Variants in TCF12 observed in about 807,000 individuals in gnomAD.
TCF12 encodes the protein DNA-binding protein HTF4.
TCF12 carries 45 observed loss-of-function variants against 86.0 expected under a neutral mutation model. The observed-to-expected ratio is 0.52, with a 90% CI of 0.41 to 0.67. The LOEUF is 0.67. TCF12 is among the 30% of genes least tolerant of loss of function. The pLI is 0.00. For missense variants in TCF12, 881 were observed against 859.9 expected (o/e 1.02, Z -0.31); for synonymous variants, 330 against 299.6 (o/e 1.10, Z -1.05).
chr15:57,037,246 C>T (rs1469389671), intron 3 of TCF12, among the ~76,000 whole-genome samples: 4 of 151,974 alleles, frequency 2.6e-5, no homozygotes, highest in Admixed American at 6.6e-5. Flanking sequence ...GTCAGGAGTT[C>T]GAGATTAGCC....
intron 4 of TCF12, among the ~76,000 whole-genome samples, chr15:57,081,732 T>C (rs572340030): frequency 9.0e-4 from 137 of 152,118 alleles, no homozygotes; most frequent in Non-Finnish European, 1.5e-3. Context: ...TTTGTTGTTT[T>C]TGTTTTTTGT....
At chr15:57,072,991 T>C (rs554442769) in intron 4 of TCF12, among the ~76,000 whole-genome samples, 1 of 152,206 alleles carries the variant, frequency 6.6e-6, no homozygotes, top group South Asian at 2.1e-4. Context: ...CTAGCAGATA[T>C]TTAAAGTGAA....
rs756861610 is a variant in TCF12, at chr15:57,002,331, C to T, written c.149-61419C>T. Reference sequence around the variant, plus strand: ...GAGAACACAAAGGAATAACCAAATACGCTTTACAAAAAATAAAAAGCCTCC... The same window carrying T: ...GAGAACACAAAGGAATAACCAAATATGCTTTACAAAAAATAAAAAGCCTCC... On this transcript the variant is annotated intron_variant, in intron 3 of 20. Transcript: ENST00000333725. Among the ~76,000 whole-genome samples, 2 of 152,120 alleles carry T rather than the reference C, an allele frequency of 1.3e-5. 1 individual carries two copies. Among genetic ancestry groups the T allele is most frequent in the Non-Finnish European group, 2.9e-5 (2 of 68,010 alleles).
rs765670950 is a variant in TCF12, at chr15:57,153,205, T to C, written c.326-13197T>C. ...GAGTAAGTTCTTCAAGCAGGGGGAATGTCACTCCAGACAGAAACTTGGATC... is the reference window on the plus strand; with the variant it reads ...GAGTAAGTTCTTCAAGCAGGGGGAACGTCACTCCAGACAGAAACTTGGATC... On this transcript the variant is annotated intron_variant, in intron 5 of 20. Transcript: ENST00000333725. Among the ~76,000 whole-genome samples the C allele has an allele frequency of 4.1e-4, 62 of 152,196 alleles. 1 individual carries two copies. The highest frequency in any genetic ancestry group is 1.9e-4 in the Non-Finnish European group (13 of 68,024).
chr15:57,126,650 C>T (rs545207782), intron 5 of TCF12, among the ~76,000 whole-genome samples: 5 of 152,158 alleles, frequency 3.3e-5, no homozygotes, highest in African/African-American at 4.8e-5. Flanking sequence ...TTGATGTGCC[C>T]TAAACCAGCC....
chr15:57,282,362 C>T (rs747985917), intron 19 of TCF12, 83 bp from the exon 20 acceptor site: 154 of 1,549,428 alleles, frequency 9.9e-5, no homozygotes, highest in Non-Finnish European at 1.3e-4. Flanking sequence ...TGAAGTTACA[C>T]AAAACAACAG....
chr15:56,950,716 G>A (rs1660793723), intron 3 of TCF12, among the ~76,000 whole-genome samples: 1 of 135,224 alleles, frequency 7.4e-6, no homozygotes, highest in Non-Finnish European at 1.6e-5. Flanking sequence ...CCAATTTTGG[G>A]ATATTACAAA....
intron 8 of TCF12, chr15:57,219,134 C>T (rs1188851824): frequency 9.4e-7 from 1 of 1,064,948 alleles, no homozygotes; most frequent in Non-Finnish European, 1.1e-6. Context: ...AACAGATTAG[C>T]AGAAAATCTG....
intron 3 of TCF12, among the ~76,000 whole-genome samples, chr15:57,021,601 G>A (rs1388422814): frequency 6.6e-6 from 1 of 152,166 alleles, no homozygotes; most frequent in Admixed American, 6.5e-5. Context: ...AGGATAAAAT[G>A]TTCTTTACAC....
chr15:57,095,679 A>C (rs1385050938), intron 5 of TCF12, among the ~76,000 whole-genome samples: 1 of 152,078 alleles, frequency 6.6e-6, no homozygotes, highest in Non-Finnish European at 1.5e-5. Flanking sequence ...TTTTCTTTTA[A>C]AGAGTGAATG....
intron 4 of TCF12, 56 bp from the exon 5 acceptor site, chr15:57,091,733 A>C: frequency 7.6e-7 from 1 of 1,312,386 alleles, no homozygotes; most frequent in Non-Finnish European, 1.1e-6. Context: ...CATTATGCTC[A>C]ATTAGCGGGA....
chr15:57,157,234 A>G (rs1225999536), intron 5 of TCF12, among the ~76,000 whole-genome samples: 1 of 152,068 alleles, frequency 6.6e-6, no homozygotes, highest in African/African-American at 2.4e-5. Flanking sequence ...TAAGACACCA[A>G]GGTGACTTGA....
intron 8 of TCF12, among the ~76,000 whole-genome samples, chr15:57,212,759 G>A (rs1356655737): frequency 2.0e-5 from 3 of 152,148 alleles, no homozygotes; most frequent in Non-Finnish European, 2.9e-5. Flanking sequence ...TTTAATGCCT[G>A]CATTTTACAG....
At chr15:57,211,026 C>A (rs943960334) in intron 8 of TCF12, among the ~76,000 whole-genome samples, 5 of 152,204 alleles carry the variant, frequency 3.3e-5, no homozygotes, top group African/African-American at 1.2e-4. Flanking sequence ...AAAATTATAA[C>A]AAAGCCATCC....
intron 7 of TCF12, among the ~76,000 whole-genome samples, chr15:57,193,780 A>G (rs1462157): frequency 0.04 from 6,137 of 152,264 alleles, 376 homozygotes; most frequent in Admixed American, 0.17. Flanking sequence ...ATAAAAGGGC[A>G]CTATGATAGA....
upstream of TCF12, chr15:56,918,160 A>G (rs2059589884): frequency 6.6e-6 from 3 of 455,440 alleles, no homozygotes; most frequent in Non-Finnish European, 1.3e-5. Flanking sequence ...GCCCTCCTGG[A>G]CGGGAGCCTC....
At chr15:57,169,016 A>G (rs1472975288) in intron 6 of TCF12, among the ~76,000 whole-genome samples, 2 of 152,288 alleles carry the variant, frequency 1.3e-5, no homozygotes, top group African/African-American at 2.4e-5. Flanking sequence ...ATTGCACTCC[A>G]ATCTGGGCAA....
intron 8 of TCF12, among the ~76,000 whole-genome samples, chr15:57,213,408 T>C (rs1783044472): frequency 6.6e-6 from 1 of 152,190 alleles, no homozygotes; most frequent in African/African-American, 2.4e-5. Flanking sequence ...TTTGGTAGAC[T>C]CAACATTTAT....
intron 3 of TCF12, among the ~76,000 whole-genome samples, chr15:56,976,282 G>A (rs1414501396): frequency 1.6e-5 from 2 of 126,700 alleles, no homozygotes; most frequent in African/African-American, 6.1e-5. Flanking sequence ...CCAGGCTAGC[G>A]TGCCGTGGTG....
Sources: allele counts gnomAD v4.1 joint callset (sites outside exome capture counted in the v4.1 genomes callset), GRCh38; gene constraint gnomAD v4.1.1; transcripts MANE v1.5; gene names NCBI Gene and HGNC (gene_info 2026-07-23, HGNC 2026-07-21).